WHRN: variants seen among roughly 807,000 people sequenced by gnomAD.
WHRN encodes the protein CASK-interacting protein CIP98.
Under a neutral mutation model 68.3 loss-of-function variants are expected in WHRN, and 41 were observed. The ratio of observed to expected loss-of-function variants is 0.60; its 90% CI spans 0.47 to 0.78. The LOEUF is 0.78. Among genes scored for constraint, WHRN ranks in the 30% least tolerant of loss-of-function variants. The pLI is 0.00. For missense variants in WHRN, 1,243 were observed against 1,244.7 expected (o/e 1.00, Z 0.02); for synonymous variants, 560 against 561.3 (o/e 1.00, Z 0.03).
At position 114,455,657 on chromosome 9, in the gene WHRN, T is replaced by C. The variant is rs1276454453; in HGVS notation, c.963+10610A>G. Among the ~76,000 whole-genome samples, 3 of 147,864 alleles carry C rather than the reference T, an allele frequency of 2.0e-5. No homozygotes were observed. The East Asian group carries it at 6.0e-4, about 29-fold the overall frequency. On this transcript the variant is annotated intron_variant, in intron 3 of 11. Transcript: ENST00000362057. ...TGAGCCCAGGAGGTCAAGGCTCCAGTAAGCTATGATCATGCCACTGCATTC... is the reference window on the plus strand; with the variant it reads ...TGAGCCCAGGAGGTCAAGGCTCCAGCAAGCTATGATCATGCCACTGCATTC...
intron 1 of WHRN, among the ~76,000 whole-genome samples, chr9:114,494,927 TGG>T (rs35517002): frequency 0.019 from 2,803 of 150,862 alleles, 79 homozygotes; most frequent in East Asian, 0.11. Flanking sequence ...GCCATGACAC[TGG>T]GGGGGGGAGC....
intron 1 of WHRN, among the ~76,000 whole-genome samples, chr9:114,493,666 T>C (rs932218434): frequency 4.0e-5 from 6 of 151,628 alleles, no homozygotes. Flanking sequence ...ACGTACAAAA[T>C]AAAAACCTGA....
intron 7 of WHRN, among the ~76,000 whole-genome samples, chr9:114,409,687 GTC>G: frequency 6.6e-6 from 1 of 151,724 alleles, no homozygotes; most frequent in East Asian, 2.0e-4. Context: ...ACTGGCTGTT[GTC>G]TCTGTCTGCG....
intron 3 of WHRN, among the ~76,000 whole-genome samples, chr9:114,452,560 T>C (rs921464021): frequency 6.6e-6 from 1 of 152,254 alleles, no homozygotes; most frequent in Non-Finnish European, 1.5e-5. Flanking sequence ...CATCCTGGCC[T>C]GAACACAGCA....
intron 1 of WHRN, among the ~76,000 whole-genome samples, chr9:114,479,234 T>C (rs1254644044): frequency 6.6e-6 from 1 of 152,198 alleles, no homozygotes; most frequent in African/African-American, 2.4e-5. Context: ...AGACAGGGTC[T>C]ATGTCTACCA....
chr9:114,424,768 G>A (rs919855763), intron 5 of WHRN, among the ~76,000 whole-genome samples: 2 of 152,170 alleles, frequency 1.3e-5, no homozygotes, highest in Admixed American at 1.3e-4. Flanking sequence ...ATGAGGGCAG[G>A]GACCTGGTCT....
chr9:114,470,400 G>A (rs1841107537), intron 2 of WHRN, among the ~76,000 whole-genome samples: 1 of 152,202 alleles, frequency 6.6e-6, no homozygotes, highest in Admixed American at 6.5e-5. Flanking sequence ...TATGGCCAGA[G>A]CGTGGCAGGA....
chr9:114,485,842 A>T lies in WHRN; in HGVS notation c.619-7071T>A, dbSNP rs550268298. On this transcript the variant is annotated intron_variant, in intron 1 of 11. Transcript: ENST00000362057. Reference sequence around the variant, plus strand: ...CAACATGGTGAGACGCCACAAAAAAAATTTTTTTTTTAAAATTTAAAATTA... The same window carrying T: ...CAACATGGTGAGACGCCACAAAAAATATTTTTTTTTTAAAATTTAAAATTA... Among the ~76,000 whole-genome samples, 45 of 152,016 alleles carry T rather than the reference A, an allele frequency of 3.0e-4. No individual in the cohort carries two copies. In the East Asian group the frequency reaches 7.9e-3, roughly 27 times the overall value.
At chr9:114,449,326 C>T (rs1839106089) in intron 3 of WHRN, among the ~76,000 whole-genome samples, 1 of 152,208 alleles carries the variant, frequency 6.6e-6, no homozygotes, top group Admixed American at 6.5e-5. Flanking sequence ...CCACAGACAT[C>T]CCCAGCTAGT....
chr9:114,478,330 T>G (rs1489979833), intron 2 of WHRN: 2 of 715,592 alleles, frequency 2.8e-6, no homozygotes, highest in Non-Finnish European at 5.2e-6. Flanking sequence ...TCACAGTATT[T>G]AAGCTCTTTT....
rs143865168 is a variant in WHRN, at chr9:114,478,250, C to T, written c.837+303G>A. The stretch of plus-strand genomic sequence containing the variant: ...TTGCAGCGAGCCAGGATCTCGTGAC[C>T]GCATTCCAGCCTGGGCGACAGAGTG... On this transcript the variant is annotated intron_variant, in intron 2 of 11. Transcript: ENST00000362057. The T allele has an allele frequency of 6.6e-4, 424 of 647,062 alleles. 4 individuals are homozygous for T. The African/African-American group carries it at 6.8e-3, about 10-fold the overall frequency. 40.1% of individuals were successfully genotyped at this position (647,062 alleles called of 1,614,324 possible).
At chr9:114,415,424 T>C (rs550684861) in intron 7 of WHRN, among the ~76,000 whole-genome samples, 2 of 152,228 alleles carry the variant, frequency 1.3e-5, no homozygotes, top group African/African-American at 4.8e-5. Flanking sequence ...CCTACTGGTC[T>C]CCTTCCATTC....
chr9:114,505,165 G>A lies in WHRN; in HGVS notation c.-364C>T, dbSNP rs1160098935. On this transcript the variant is annotated 5_prime_UTR_variant, in exon 1 of 12. Transcript: ENST00000362057. ...CTGGAGGGCACGGAGACGACGGGTG[G>A]CTGGAGTTTGGGGGCGCCGCAAAGC... The A allele has an allele frequency of 2.3e-5, 5 of 216,358 alleles. No homozygotes were observed. Among genetic ancestry groups the A allele is most frequent in the East Asian group, 1.1e-4 (1 of 9,166 alleles). The allele number at this position is 216,358 out of a possible 1,614,324, so 13.4% of individuals were successfully genotyped here.
intron 3 of WHRN, among the ~76,000 whole-genome samples, chr9:114,461,109 T>C (rs1275456377): frequency 6.6e-6 from 1 of 152,218 alleles, no homozygotes; most frequent in Admixed American, 6.5e-5. Context: ...AATAAAGCCT[T>C]TGATTGCCTG....
chr9:114,412,199 G>A (rs760661409), intron 7 of WHRN, among the ~76,000 whole-genome samples: 17 of 152,226 alleles, frequency 1.1e-4, no homozygotes, highest in Admixed American at 2.6e-4. Flanking sequence ...CCAAGTCCCC[G>A]AGCCATGTTC....
At chr9:114,443,559 C>T (rs190425273) in intron 3 of WHRN, among the ~76,000 whole-genome samples, 7 of 152,328 alleles carry the variant, frequency 4.6e-5, no homozygotes, top group South Asian at 4.1e-4. Context: ...TGTGATGACA[C>T]GCGACCCACC....
intron 4 of WHRN, 117 bp downstream of exon 4, chr9:114,426,094 T>A (rs1013000283): frequency 7.5e-7 from 1 of 1,325,070 alleles, no homozygotes; most frequent in African/African-American, 1.4e-5. Context: ...AGGGCCCTGG[T>A]GTGGGGACTG....
chr9:114,478,372 C>G (rs1355834692), intron 2 of WHRN, 181 bp downstream of exon 2: 1 of 735,088 alleles, frequency 1.4e-6, no homozygotes. Flanking sequence ...TTATAACATA[C>G]ACTACACAGG....
intron 2 of WHRN, among the ~76,000 whole-genome samples, chr9:114,474,077 AC>A (rs1341625800): frequency 6.6e-6 from 1 of 151,984 alleles, no homozygotes; most frequent in Admixed American, 6.6e-5. Flanking sequence ...AGCTGACTCA[AC>A]CCATCCTCCA....
Sources: gnomAD v4.1 joint callset for allele counts (sites outside exome capture counted in the v4.1 genomes callset) on GRCh38, gnomAD v4.1.1 for gene constraint, MANE v1.5 for transcripts, NCBI Gene and HGNC (gene_info 2026-07-23, HGNC 2026-07-21) for gene names.